Variants in CLEC4F observed in about 807,000 individuals in gnomAD.
CLEC4F encodes C-type (calcium dependent, carbohydrate-recognition domain) lectin, superfamily member 13.
A neutral mutation model predicts 53.4 loss-of-function variants in CLEC4F; 45 were observed. The ratio of observed to expected loss-of-function variants is 0.84; its 90% confidence interval spans 0.66 to 1.08. The LOEUF (loss-of-function observed/expected upper bound fraction) is 1.08, where lower values mean the gene tolerates loss of function less well. CLEC4F is among the 50% of genes least tolerant of loss of function. CLEC4F has a pLI of 0.00. For synonymous variants in CLEC4F, 245 were observed against 257.5 expected, an observed-to-expected ratio of 0.95 and a Z score of 0.46; for missense variants, 753 against 698.2, an observed-to-expected ratio of 1.08 and a Z score of -0.88.
intron 3 of CLEC4F, among the ~76,000 whole-genome samples, chr2:70,818,226 A>G (rs902763203): frequency 5.3e-5 from 8 of 152,244 alleles, no homozygotes; most frequent in Admixed American, 4.6e-4. Flanking sequence ...TTGTAAAGAT[A>G]GACAAACAAA....
rs139690383 is a variant in CLEC4F at position 70,816,639 on chromosome 2, T to C, written c.742A>G (p.Lys248Glu). 2.4e-5 allele frequency: 38 copies of C among 1,614,104 alleles called. No individual in the cohort carries two copies. The highest frequency in any genetic ancestry group is 3.2e-5 in the Non-Finnish European group (38 of 1,180,060). The change falls in exon 4 of 7, where the codon AAG (lysine) becomes GAG (glutamate). Residue 248 changes from lysine to glutamate, a missense_variant. Coordinates refer to ENST00000272367, the MANE Select transcript of CLEC4F (RefSeq NM_173535.3). ...TQAQLANSSL[K>E]NANAEIYVLR... ...ACATAGATCTCAGCATTAGCGTTCTTTAAACTGCTATTGGCTAACTGAGCC... is the reference window on the plus strand; with the variant it reads ...ACATAGATCTCAGCATTAGCGTTCTCTAAACTGCTATTGGCTAACTGAGCC...
At chr2:70,823,512 T>C (rs1221438305), upstream of CLEC4F, among the ~76,000 whole-genome samples, 2 of 152,152 alleles carry the variant, frequency 1.3e-5, no homozygotes, top group African/African-American at 4.8e-5. Flanking sequence ...TGAGGGAACC[T>C]CGAAGGCAGA....
At chr2:70,823,121 TTGTGTG>T (rs10538705), upstream of CLEC4F, among the ~76,000 whole-genome samples, 1 of 150,400 alleles carries the variant, frequency 6.6e-6, no homozygotes, top group South Asian at 2.1e-4. Context: ...GTGTGTGTGT[TTGTGTG>T]TGTGTGTGTG....
chr2:70,809,105 T>G lies in CLEC4F; in HGVS notation c.*166A>C. On this transcript the variant is annotated 3_prime_UTR_variant, in exon 7 of 7. Transcript: ENST00000272367. ...CCGAAGACAACAGGGCTTTATACTG[T>G]TAGATGAAGGCAGCATCCCTTCCTG... 6.5e-7 allele frequency: 1 copy of G among 1,550,240 alleles called. No individual in the cohort carries two copies. Among genetic ancestry groups the G allele is most frequent in the Non-Finnish European group, 8.7e-7 (1 of 1,146,994 alleles).
Position 70,817,021 on chromosome 2 carries a change from T to G in CLEC4F, c.360A>C (p.Glu120Asp). The G allele has an allele frequency of 6.2e-7, 1 of 1,614,196 alleles. No homozygotes were observed. Among genetic ancestry groups the G allele is most frequent in the Non-Finnish European group, 8.5e-7 (1 of 1,180,042 alleles). Residue 120 changes from glutamate to aspartate, a missense_variant, in exon 4 of 7, where the codon GAA becomes GAC. Glu to Asp is a conservative substitution (Grantham distance 45). Coordinates refer to ENST00000272367, the MANE Select transcript of CLEC4F (RefSeq NM_173535.3). ...CCACTCTGCACTTCAACATCTGGAT[T>G]TCTACTACCCAGGCACTGGAATTCT... ...HMENSSAWVV[E>D]IQMLKCRVDN...
chr2:70,816,256 C>G lies in CLEC4F; in HGVS notation c.1125G>C (p.Gln375His). The change falls in exon 4 of 7, where the codon CAG (glutamine) becomes CAC (histidine). Residue 375 changes from glutamine to histidine, a missense_variant. Gln to His is a conservative substitution (Grantham distance 24, BLOSUM62 0). Transcript: ENST00000272367. The stretch of plus-strand genomic sequence containing the variant: ...TCATATGACCATTTAAGACCTGAAT[C>G]TGGGCATTTAAGGTATTCACATTTT... The part of the protein sequence containing the change: ...EMENVNTLNA[Q>H]IQVLNGHMKN... 6.2e-7 allele frequency: 1 copy of G among 1,614,210 alleles called. No homozygotes were observed. The highest frequency in any genetic ancestry group is 8.5e-7 in the Non-Finnish European group (1 of 1,180,032).
At chr2:70,809,650 C>G (rs1341410983) in intron 6 of CLEC4F, 89 bp downstream of exon 6, 4 of 1,025,300 alleles carry the variant, frequency 3.9e-6, no homozygotes, top group Non-Finnish European at 6.1e-6. Flanking sequence ...ACACACAACA[C>G]TACCACTTAC....
At chr2:70,812,405 A>G in intron 5 of CLEC4F, 42 bp downstream of exon 5, 1 of 1,608,602 alleles carries the variant, frequency 6.2e-7, no homozygotes, top group Non-Finnish European at 8.5e-7. Flanking sequence ...CCCTTATTCC[A>G]CACCAATTCC....
rs561496989 is a variant in CLEC4F, at chr2:70,812,321, CT to C, written c.1539+125del. 2.4e-5 allele frequency: 24 copies of C among 996,482 alleles called. No individual in the cohort carries two copies. In the South Asian group the frequency reaches 3.8e-4, roughly 16 times the overall value. The allele number at this position is 996,482 out of a possible 1,614,324, so 61.7% of individuals were successfully genotyped here. A position where few individuals can be genotyped will look rare whatever the true frequency, so the allele number is the denominator to read the frequency against. On this transcript the variant is annotated intron_variant, in intron 5 of 6. Transcript: ENST00000272367. ...CTCATCAGAACTCACTCAATATTTG[CT>C]CCCTGCCTGGCAGAGGAGACATGGA...
At chr2:70,818,244 G>A (rs529470140) in intron 3 of CLEC4F, among the ~76,000 whole-genome samples, 17 of 152,156 alleles carry the variant, frequency 1.1e-4, no homozygotes, top group Non-Finnish European at 1.8e-4. Context: ...AAATCAATGC[G>A]ACAGAATGGA....
At chr2:70,823,121 TTG>T (rs10538705), upstream of CLEC4F, among the ~76,000 whole-genome samples, 37,490 of 150,314 alleles carry the variant, frequency 0.25, 4,952 homozygotes, top group Middle Eastern at 0.33. Context: ...GTGTGTGTGT[TTG>T]TGTGTGTGTG....
rs1676953427 is a variant in CLEC4F, at chr2:70,816,937, G to T, written c.444C>A (p.Asp148Glu). ...LGDHLGNTNA[D>E]IQMVKGVLKD... ...TTAGAACTCCTTTTACCATCTGGAT[G>T]TCAGCATTGGTGTTTCCCAGATGAT... The change falls in exon 4 of 7, where the codon GAC (aspartate) becomes GAA (glutamate). Residue 148 changes from aspartate to glutamate, a missense_variant. Asp to Glu is a conservative substitution (Grantham distance 45, BLOSUM62 2). Transcript: ENST00000272367. The T allele has an allele frequency of 6.2e-7, 1 of 1,614,044 alleles. No individual in the cohort carries two copies. Among genetic ancestry groups the T allele is most frequent in the Admixed American group, 1.7e-5 (1 of 59,998 alleles).
upstream of CLEC4F, among the ~76,000 whole-genome samples, chr2:70,824,485 A>G (rs72907993): frequency 0.6 from 91,255 of 151,190 alleles, 28,027 homozygotes; most frequent in Middle Eastern, 0.7. Context: ...CCAGGTTTTG[A>G]TTTCTAACAC....
In CLEC4F at chr2:70,816,493, A is replaced by T; in HGVS notation, c.888T>A (p.Asn296Lys). ...AGGCCTGGGTCTGGGAGTTTAAAGCATTTGTGTTCTGCAAATTTTCCTTTA... is the reference window on the plus strand; with the variant it reads ...AGGCCTGGGTCTGGGAGTTTAAAGCTTTTGTGTTCTGCAAATTTTCCTTTA... Reference protein sequence around the residue: ...QGLKENLQNTNALNSQTQAFI... With the variant: ...QGLKENLQNTKALNSQTQAFI... The change falls in exon 4 of 7, where the codon AAT becomes AAA. Residue 296 changes from asparagine (N) to lysine (K), a missense_variant. Physicochemically the swap from Asn to Lys is moderately conservative, Grantham distance 94. Transcript: ENST00000272367. The T allele has an allele frequency of 6.2e-7, 1 of 1,614,186 alleles. No individual in the cohort carries two copies.
chr2:70,819,432 G>T lies in CLEC4F; in HGVS notation c.191C>A (p.Thr64Lys). ...TTGCACAGGCTTCGGAACAGGTCTT[G>T]TCTGCTGTTGAACTGAGACATTCCA... ...VTLFVVVQQQ[T>K]RPVPKPVQAV... is the part of the protein sequence containing the mutation. Residue 64 changes from threonine (T) to lysine (K), a missense_variant, in exon 3 of 7, where the codon ACA (threonine) becomes AAA (lysine). By Grantham distance (78) the Thr-to-Lys change is moderately conservative (BLOSUM62 -1). Coordinates refer to ENST00000272367, the MANE Select transcript of CLEC4F (RefSeq NM_173535.3). 1.9e-6 allele frequency: 3 copies of T among 1,614,104 alleles called. No homozygotes were observed. The highest frequency in any genetic ancestry group is 1.1e-5 in the South Asian group (1 of 91,064).
Position 70,812,436 on chromosome 2 carries a change from G to A in CLEC4F, c.1539+11C>T, listed in dbSNP as rs782601690. Reference sequence around the variant, plus strand: ...ATTCCACCAACAACACCCCATGCTCGCAGCTCTGACCTGCTCCTCCTTGGA... The same window carrying A: ...ATTCCACCAACAACACCCCATGCTCACAGCTCTGACCTGCTCCTCCTTGGA... On this transcript the variant is annotated intron_variant, in intron 5 of 6. Coordinates refer to ENST00000272367, the MANE Select transcript of CLEC4F (RefSeq NM_173535.3). 10 of 1,612,130 alleles carry A rather than the reference G, an allele frequency of 6.2e-6. No homozygotes were observed. The highest frequency in any genetic ancestry group is 1.7e-4 in the Middle Eastern group (1 of 5,798).
At position 70,816,404 on chromosome 2, in the gene CLEC4F, C is replaced by T; in HGVS notation, c.977G>A (p.Arg326Lys). The change falls in exon 4 of 7, where the codon AGA becomes AAA. Residue 326 changes from arginine (R) to lysine (K), a missense_variant. Arg to Lys is a conservative substitution (Grantham distance 26, BLOSUM62 2). Coordinates refer to ENST00000272367, the MANE Select transcript of CLEC4F (RefSeq NM_173535.3). Reference sequence around the variant, plus strand: ...TAACACGTGAATTTCATCACCAGCTCTTTCCAAATGACCTCTTAAGAACTG... The same window carrying T: ...TAACACGTGAATTTCATCACCAGCTTTTTCCAAATGACCTCTTAAGAACTG... ...EIQFLRGHLE[R>K]AGDEIHVLKR... 6.2e-7 allele frequency: 1 copy of T among 1,613,866 alleles called. No individual in the cohort carries two copies. The highest frequency in any genetic ancestry group is 8.5e-7 in the Non-Finnish European group (1 of 1,179,960).
Position 70,809,308 on chromosome 2 carries a change from A to T in CLEC4F, c.1733T>A (p.Ile578Lys). The T allele has an allele frequency of 6.2e-7, 1 of 1,614,006 alleles. No homozygotes were observed. The highest frequency in any genetic ancestry group is 8.5e-7 in the Non-Finnish European group (1 of 1,179,974). ...GATCCAGGGACAGGGAGGGGTGTCT[A>T]TGAAGCTGCAAGCTCCCATCCCAGA... ...VNSGMGACSF[I>K]DTPPCPWILS... The change falls in exon 7 of 7, where the codon ATA (isoleucine) becomes AAA (lysine). Residue 578 changes from isoleucine to lysine, a missense_variant. Ile to Lys is a moderately radical substitution (Grantham distance 102). Transcript: ENST00000272367.
chr2:70,819,920 GAGAGGGTGCTGTGCAAGGTA>G (rs1181808306), intron 1 of CLEC4F, 29 bp from the exon 2 acceptor site: 12 of 1,471,252 alleles, frequency 8.2e-6, no homozygotes, highest in East Asian at 2.3e-5. Flanking sequence ...TGTCCAAGGT[GAGAGGGTGCTGTGCAAGGTA>G]AGAGGGTGCT....
Sources: gnomAD v4.1 joint callset for allele counts (sites outside exome capture counted in the v4.1 genomes callset) on GRCh38, gnomAD v4.1.1 for gene constraint, MANE v1.5 for transcripts, NCBI Gene and HGNC (gene_info 2026-07-23, HGNC 2026-07-21) for gene names.